UTS2: variants seen among roughly 807,000 people sequenced by gnomAD.
UTS2 encodes urotensin 2, also known as urotensin-2.
Under a neutral mutation model 12.6 loss-of-function variants are expected in UTS2, and 10 were observed. The ratio of observed to expected loss-of-function variants is 0.80; its 90% CI spans 0.49 to 1.35. UTS2 has a LOEUF of 1.35. Among genes scored for constraint, UTS2 ranks in the 40% most tolerant of loss-of-function variants. UTS2 has a pLI of 0.00. For synonymous variants in UTS2, 52 were observed against 50.0 expected (o/e 1.04, Z -0.17); for missense variants, 142 against 143.2 (o/e 0.99, Z 0.04).
the UTS2 span, among the ~76,000 whole-genome samples, chr1:7,885,130 T>TCACCCATC: frequency 1.5e-3 from 227 of 150,322 alleles, no homozygotes; most frequent in African/African-American, 3.3e-3. Context: ...CACCCACCTA[T>TCACCCATC]CATCCATCCA....
chr1:7,891,535 GAAAAGAAA>G, the UTS2 span, among the ~76,000 whole-genome samples: 11 of 43,614 alleles, frequency 2.5e-4, no homozygotes, highest in African/African-American at 9.6e-4. Flanking sequence ...AAGAAAGAAA[GAAAAGAAA>G]GAAAGAAAGA....
the UTS2 span, among the ~76,000 whole-genome samples, chr1:7,905,331 C>T: frequency 6.6e-6 from 1 of 151,630 alleles, no homozygotes; most frequent in Non-Finnish European, 1.5e-5. Context: ...TTTTAGTAGA[C>T]ACGGGGTTTC....
the UTS2 span, among the ~76,000 whole-genome samples, chr1:7,869,176 C>T: frequency 6.6e-6 from 1 of 152,192 alleles, no homozygotes; most frequent in Non-Finnish European, 1.5e-5. Context: ...AGAGGCCTGC[C>T]AAGGTCCTGC....
chr1:7,910,145 T>C, the UTS2 span, among the ~76,000 whole-genome samples: 149 of 152,256 alleles, frequency 9.8e-4, no homozygotes, highest in African/African-American at 3.3e-3. Flanking sequence ...CTCCTGTCTC[T>C]GGCCCCTCAT....
the UTS2 span, among the ~76,000 whole-genome samples, chr1:7,892,578 G>A: frequency 0.42 from 61,661 of 148,248 alleles, 13,113 homozygotes; most frequent in East Asian, 0.54. Flanking sequence ...CCAAGGTTCA[G>A]GTGATTCTCC....
the UTS2 span, among the ~76,000 whole-genome samples, chr1:7,869,950 TA>T: frequency 6.6e-6 from 1 of 152,214 alleles, no homozygotes; most frequent in Non-Finnish European, 1.5e-5. Flanking sequence ...GGTGTGAAGT[TA>T]AATGGAAATG....
chr1:7,892,475 T>TTG, the UTS2 span, among the ~76,000 whole-genome samples: 3 of 139,138 alleles, frequency 2.2e-5, no homozygotes, highest in African/African-American at 8.2e-5. Context: ...GCATGTTTTT[T>TTG]TTTTTTTTTT....
chr1:7,857,118 A>AGGAAGGAAGGAAGGAAGGAAGGAAGGAT (rs1638329836), upstream of UTS2, among the ~76,000 whole-genome samples: 1 of 150,908 alleles, frequency 6.6e-6, no homozygotes, highest in Non-Finnish European at 1.5e-5. Context: ...GAAGGAAGGA[A>AGGAAGGAAGGAAGGAAGGAAGGAAGGAT]GGAAGGAAGG....
chr1:7,896,998 GA>G, the UTS2 span, among the ~76,000 whole-genome samples: 35,397 of 146,550 alleles, frequency 0.24, 5,203 homozygotes, highest in East Asian at 0.67. Flanking sequence ...GTGCCTGGCT[GA>G]AAAAAAAAAG....
chr1:7,902,401 A>G, the UTS2 span, among the ~76,000 whole-genome samples: 1 of 152,136 alleles, frequency 6.6e-6, no homozygotes, highest in Non-Finnish European at 1.5e-5. Flanking sequence ...ATTTTGGTAA[A>G]GACTCTGAAA....
At chr1:7,869,755 T>C in the UTS2 span, among the ~76,000 whole-genome samples, 5 of 152,214 alleles carry the variant, frequency 3.3e-5, no homozygotes, top group African/African-American at 1.2e-4. Flanking sequence ...TGGAAATAAA[T>C]ATCTGCTCCG....
At chr1:7,885,149 T>TCCATCCAC in the UTS2 span, among the ~76,000 whole-genome samples, 1 of 151,954 alleles carries the variant, frequency 6.6e-6, no homozygotes, top group East Asian at 1.9e-4. Context: ...CATCCATCCA[T>TCCATCCAC]CCATCCATCC....
At chr1:7,908,308 A>G in the UTS2 span, among the ~76,000 whole-genome samples, 2 of 151,270 alleles carry the variant, frequency 1.3e-5, no homozygotes, top group Non-Finnish European at 3.0e-5. Flanking sequence ...AAAAAAAAAA[A>G]AAAAAAAGTT....
upstream of UTS2, among the ~76,000 whole-genome samples, chr1:7,857,757 G>T (rs539534811): frequency 6.6e-6 from 1 of 151,656 alleles, no homozygotes; most frequent in South Asian, 2.1e-4. Flanking sequence ...GGCTGAGGTG[G>T]GAGGATCGCC....
At chr1:7,907,020 G>T in the UTS2 span, among the ~76,000 whole-genome samples, 3 of 152,126 alleles carry the variant, frequency 2.0e-5, no homozygotes, top group African/African-American at 4.8e-5. Flanking sequence ...GGAGACCAAG[G>T]GGGGAGGATC....
the UTS2 span, among the ~76,000 whole-genome samples, chr1:7,859,082 G>T: frequency 6.6e-6 from 1 of 152,128 alleles, no homozygotes; most frequent in African/African-American, 2.4e-5. Context: ...CCATTTTTAT[G>T]CGCAGACTTG....
the UTS2 span, among the ~76,000 whole-genome samples, chr1:7,860,849 C>T: frequency 6.6e-6 from 1 of 151,972 alleles, no homozygotes; most frequent in Non-Finnish European, 1.5e-5. Context: ...TCGAGACCAG[C>T]CTGGCCAACA....
the UTS2 span, among the ~76,000 whole-genome samples, chr1:7,871,427 G>A: frequency 2.0e-5 from 3 of 152,146 alleles, no homozygotes; most frequent in Non-Finnish European, 2.9e-5. Flanking sequence ...GCCCAGGCTG[G>A]CTTCACTCCA....
At chr1:7,907,142 G>A in the UTS2 span, among the ~76,000 whole-genome samples, 3 of 152,068 alleles carry the variant, frequency 2.0e-5, no homozygotes, top group Non-Finnish European at 2.9e-5. Flanking sequence ...TGTAATCCCC[G>A]CTACTTCAGA....
Sources: allele counts gnomAD v4.1 joint callset (sites outside exome capture counted in the v4.1 genomes callset), GRCh38; gene constraint gnomAD v4.1.1; transcripts MANE v1.5; gene names NCBI Gene and HGNC (gene_info 2026-07-23, HGNC 2026-07-21).